Variants in MYO3B observed in about 807,000 individuals in gnomAD.
MYO3B encodes the protein myosin-IIIb.
In MYO3B, 156 loss-of-function variants were observed where a neutral mutation model predicts 174.6. The ratio of observed to expected loss-of-function variants is 0.89; its 90% CI spans 0.78 to 1.02. The LOEUF (loss-of-function observed/expected upper bound fraction) is 1.02. MYO3B is among the 50% of genes least tolerant of loss of function. The probability of loss-of-function intolerance (pLI) is 0.00; values close to 1 mark genes in which losing one functional copy is unlikely to be tolerated. For missense variants in MYO3B, 1,632 were observed against 1,639.4 expected, an observed-to-expected ratio of 1.00 and a Z score of 0.08; for synonymous variants, 563 against 569.1, an observed-to-expected ratio of 0.99 and a Z score of 0.15.
intron 32 of MYO3B, among the ~76,000 whole-genome samples, chr2:170,561,600 C>A (rs1012772093): frequency 6.6e-6 from 1 of 152,142 alleles, no homozygotes; most frequent in Non-Finnish European, 1.5e-5. Context: ...GATCTGTATC[C>A]CAGGTTAAGA....
chr2:170,632,005 C>G (rs1037491025), intron 32 of MYO3B, among the ~76,000 whole-genome samples: 1 of 152,132 alleles, frequency 6.6e-6, no homozygotes, highest in East Asian at 1.9e-4. Context: ...GAGAGACCCA[C>G]AAGGAGACTT....
intron 22 of MYO3B, among the ~76,000 whole-genome samples, chr2:170,427,149 T>A (rs1193643360): frequency 6.6e-6 from 1 of 152,224 alleles, no homozygotes; most frequent in South Asian, 2.1e-4. Flanking sequence ...TTTAAAGGAC[T>A]CAGACACAAT....
At position 170,505,046 on chromosome 2, in the gene MYO3B, G is replaced by A. The variant is rs17580382; in HGVS notation, c.3370+3181G>A. Among the ~76,000 whole-genome samples the A allele has an allele frequency of 0.033, 5,048 of 152,092 alleles. 556 individuals are homozygous for A. The East Asian group carries it at 0.42, about 13-fold the overall frequency. ...GAGCTGGTGGTCTAGAGATCTCTGC[G>A]GGCCCAAACAGTTCACCAGCCAGTA... On this transcript the variant is annotated intron_variant, in intron 28 of 34. Coordinates refer to ENST00000408978, the MANE Select transcript of MYO3B (RefSeq NM_138995.5).
chr2:170,326,689 C>T (rs999621186), intron 7 of MYO3B, among the ~76,000 whole-genome samples: 9 of 152,118 alleles, frequency 5.9e-5, no homozygotes, highest in Admixed American at 1.3e-4. Flanking sequence ...AAGGAGAGTA[C>T]AGTAGAGGGA....
intron 25 of MYO3B, among the ~76,000 whole-genome samples, chr2:170,482,997 G>C (rs929303633): frequency 2.0e-5 from 3 of 152,242 alleles, no homozygotes; most frequent in Admixed American, 2.0e-4. Context: ...TTTTCATGGA[G>C]CCCATGCTGC....
chr2:170,212,721 C>T (rs1044997000), intron 3 of MYO3B, among the ~76,000 whole-genome samples: 1 of 152,192 alleles, frequency 6.6e-6, no homozygotes, highest in Non-Finnish European at 1.5e-5. Flanking sequence ...GGTCACCACA[C>T]GAGCTAAAGA....
intron 3 of MYO3B, among the ~76,000 whole-genome samples, chr2:170,203,491 G>A (rs949511075): frequency 4.4e-5 from 6 of 135,124 alleles, no homozygotes; most frequent in Non-Finnish European, 7.6e-5. Context: ...AAAGCAAAAG[G>A]GGGCGGCGGG....
At chr2:170,342,702 A>T (rs2093985404) in intron 8 of MYO3B, among the ~76,000 whole-genome samples, 1 of 152,176 alleles carries the variant, frequency 6.6e-6, no homozygotes. Flanking sequence ...TACATGTTGT[A>T]TAATTTACTT....
At position 170,285,669 on chromosome 2, in the gene MYO3B, C is replaced by T. The variant is rs2093550747; in HGVS notation, c.749+49533C>T. 2.6e-5 allele frequency among the ~76,000 whole-genome samples: 4 copies of T among 152,008 alleles called. No individual in the cohort carries two copies. The South Asian group carries it at 8.3e-4, about 32-fold the overall frequency. On this transcript the variant is annotated intron_variant, in intron 7 of 34. Transcript: ENST00000408978. ...CGTGAGCCACCGTGCTCAGCTGTGA[C>T]CTATCTTTTGACTTTATGGTATTTA...
intron 7 of MYO3B, among the ~76,000 whole-genome samples, chr2:170,298,291 C>G (rs1334782925): frequency 1.3e-5 from 2 of 152,002 alleles, no homozygotes; most frequent in African/African-American, 4.8e-5. Context: ...GAGATCACAC[C>G]CCTGGTAAGA....
At chr2:170,418,696 C>A (rs769061309) in intron 22 of MYO3B, among the ~76,000 whole-genome samples, 2 of 152,168 alleles carry the variant, frequency 1.3e-5, no homozygotes, top group African/African-American at 4.8e-5. Flanking sequence ...TTACCTCCAT[C>A]CCCTGGCCCT....
At chr2:170,213,284 T>C (rs747438038) in intron 3 of MYO3B, among the ~76,000 whole-genome samples, 1 of 152,282 alleles carries the variant, frequency 6.6e-6, no homozygotes. Context: ...CCGAGCTCTC[T>C]GAGTGAGCAA....
At chr2:170,244,067 T>A (rs780665289) in intron 7 of MYO3B, among the ~76,000 whole-genome samples, 14 of 152,182 alleles carry the variant, frequency 9.2e-5, no homozygotes, top group Admixed American at 1.3e-4. Flanking sequence ...GGTGATGCTG[T>A]CATCCTCTGA....
intron 7 of MYO3B, among the ~76,000 whole-genome samples, chr2:170,278,177 T>C (rs2105384889): frequency 6.6e-6 from 1 of 152,308 alleles, no homozygotes; most frequent in East Asian, 1.9e-4. Flanking sequence ...AATATGGCGA[T>C]AGTGACATCA....
At chr2:170,186,283 G>A (rs1028112788) in intron 1 of MYO3B, among the ~76,000 whole-genome samples, 1 of 149,028 alleles carries the variant, frequency 6.7e-6, no homozygotes, top group East Asian at 2.0e-4. Context: ...TTATTGTATT[G>A]GGGTATGTTC....
intron 32 of MYO3B, among the ~76,000 whole-genome samples, chr2:170,633,892 C>T (rs755714143): frequency 6.6e-6 from 1 of 152,076 alleles, no homozygotes; most frequent in Non-Finnish European, 1.5e-5. Context: ...TAAAATACCT[C>T]GGAATGCAAC....
At chr2:170,395,101 C>A (rs1399893675) in intron 16 of MYO3B, among the ~76,000 whole-genome samples, 1 of 152,152 alleles carries the variant, frequency 6.6e-6, no homozygotes, top group Non-Finnish European at 1.5e-5. Flanking sequence ...AATTTTAATT[C>A]TGGGACAACA....
chr2:170,317,739 T>G (rs1468462548), intron 7 of MYO3B, among the ~76,000 whole-genome samples: 6 of 152,184 alleles, frequency 3.9e-5, no homozygotes, highest in Admixed American at 6.5e-5. Flanking sequence ...TAGGGTAGTG[T>G]TTTTCAAAAT....
At chr2:170,431,522 G>C (rs2094708875) in intron 22 of MYO3B, among the ~76,000 whole-genome samples, 1 of 152,194 alleles carries the variant, frequency 6.6e-6, no homozygotes, top group African/African-American at 2.4e-5. Flanking sequence ...CTTTAAAGCT[G>C]TAGTTTATAT....
Sources: allele counts gnomAD v4.1 joint callset (sites outside exome capture counted in the v4.1 genomes callset), GRCh38; gene constraint gnomAD v4.1.1; transcripts MANE v1.5; gene names NCBI Gene and HGNC (gene_info 2026-07-23, HGNC 2026-07-21).